The following AMH variants were observed in gnomAD, a reference collection of about 807,000 sequenced individuals.
AMH encodes anti-Mullerian hormone.
A neutral mutation model predicts 33.3 loss-of-function variants in AMH; 39 were observed. The ratio of observed to expected loss-of-function variants is 1.17; its 90% CI spans 0.91 to 1.53. AMH has a LOEUF of 1.53. AMH is among the 40% of genes most tolerant of loss of function. The probability of loss-of-function intolerance (pLI) is 0.00; values close to 1 mark genes in which losing one functional copy is unlikely to be tolerated. For synonymous variants in AMH, 536 were observed against 403.0 expected (o/e 1.33, Z -3.95); for missense variants, 1,019 against 799.8 (o/e 1.27, Z -3.30).
Position 2,249,434 on chromosome 19 carries a change from C to T in AMH, c.102C>T (p.Thr34=). ...ALRAEEPAVG[T]SGLIFREDLD... ...GAGCAGAGGAGCCAGCTGTGGGCAC[C>T]AGTGGCCTCATCTTCCGAGAAGACT... is the stretch of plus-strand genomic sequence containing the variant. The change falls in exon 1 of 5, where the codon ACC becomes ACT. Residue 34 remains threonine (T), a synonymous_variant. Transcript: ENST00000221496. 1.2e-6 allele frequency: 2 copies of T among 1,601,600 alleles called. No homozygotes were observed. Among genetic ancestry groups the T allele is most frequent in the Non-Finnish European group, 1.7e-6 (2 of 1,174,848 alleles).
chr19:2,249,525 G>A lies in AMH; in HGVS notation c.193G>A (p.Gly65Ser). ...GGTGGCACTGGGCGGGGACAGCAAT[G>A]GCAGCAGCTCCCCCCTGCGGGTGGT... is the stretch of plus-strand genomic sequence containing the variant. ...CLVALGGDSN[G>S]SSSPLRVVGA... Residue 65 changes from glycine (G) to serine (S), a missense_variant, in exon 1 of 5, where the codon GGC becomes AGC. Coordinates refer to ENST00000221496, the MANE Select transcript of AMH (RefSeq NM_000479.5). 1.9e-6 allele frequency: 3 copies of A among 1,602,572 alleles called. No individual in the cohort carries two copies. The highest frequency in any genetic ancestry group is 2.6e-6 in the Non-Finnish European group (3 of 1,176,206).
rs376657085 is a variant in AMH, at chr19:2,249,530, C to G, written c.198C>G (p.Ser66Arg). Residue 66 changes from serine to arginine, a missense_variant, in exon 1 of 5, where the codon AGC becomes AGG. Physicochemically the swap from Ser to Arg is moderately radical, Grantham distance 110. Coordinates refer to ENST00000221496, the MANE Select transcript of AMH (RefSeq NM_000479.5). ...CACTGGGCGGGGACAGCAATGGCAG[C>G]AGCTCCCCCCTGCGGGTGGTGGGGG... is the stretch of plus-strand genomic sequence containing the variant. ...LVALGGDSNG[S>R]SSPLRVVGAL... 32 of 1,600,486 alleles carry G rather than the reference C, an allele frequency of 2.0e-5. No homozygotes were observed. Among genetic ancestry groups the G allele is most frequent in the Non-Finnish European group, 2.7e-5 (32 of 1,175,366 alleles).
chr19:2,250,838 A>G lies in AMH; in HGVS notation c.665-11A>G. 1 of 1,557,444 alleles carries G rather than the reference A, an allele frequency of 6.4e-7. No individual in the cohort carries two copies. ...CAGCCCCTGAGCCAGCCGCGTGCCC[A>G]CCCACCGCAGACTCCCGGCTGAGTA... On this transcript the variant is annotated splice_polypyrimidine_tract_variant and intron_variant, in intron 3 of 4. Transcript: ENST00000221496.
At position 2,250,482 on chromosome 19, in the gene AMH, A is replaced by G. The variant is rs1229806996; in HGVS notation, c.555+3A>G. 3 of 1,547,808 alleles carry G rather than the reference A, an allele frequency of 1.9e-6. No individual in the cohort carries two copies. The highest frequency in any genetic ancestry group is 2.6e-6 in the Non-Finnish European group (3 of 1,147,034). ...GGGCTGGGCTGCCGGGTGCCCAGGT[A>G]CCAGGGAGTTGCATGGGGCAGTGCC... On this transcript the variant is annotated splice_donor_region_variant and intron_variant, in intron 2 of 4. Transcript: ENST00000221496.
rs1001087147 is a variant in AMH at position 2,251,841 on chromosome 19, C to G, written c.1567C>G (p.Pro523Ala). 3.8e-6 allele frequency: 6 copies of G among 1,597,668 alleles called. No individual in the cohort carries two copies. The highest frequency in any genetic ancestry group is 4.2e-6 in the Non-Finnish European group (5 of 1,177,050). The part of the protein sequence containing the change: ...MQVRGAALAR[P>A]PCCVPTAYAG... ...GGTCCGTGGGGCCGCCCTGGCGCGCCCACCCTGCTGCGTGCCCACCGCCTA... is the reference window on the plus strand; with the variant it reads ...GGTCCGTGGGGCCGCCCTGGCGCGCGCACCCTGCTGCGTGCCCACCGCCTA... Residue 523 changes from proline (P) to alanine (A), a missense_variant, in exon 5 of 5, where the codon CCA (proline) becomes GCA (alanine). Physicochemically the swap from Pro to Ala is conservative, Grantham distance 27. Coordinates refer to ENST00000221496, the MANE Select transcript of AMH (RefSeq NM_000479.5).
intron 1 of AMH, chr19:2,250,108 C>A (rs908370656): frequency 1.4e-6 from 1 of 708,246 alleles, no homozygotes; most frequent in Non-Finnish European, 2.4e-6. Flanking sequence ...CATCGGGCAC[C>A]CCAACCCAGA....
Position 2,251,475 on chromosome 19 carries a change from GC to G in AMH, c.1205del (p.Pro402ArgfsTer27). On this transcript the variant is annotated frameshift_variant, in exon 5 of 5. Transcript: ENST00000221496. LOFTEE classifies it low-confidence loss of function (END_TRUNC). ...CCTCCCGGGTCTGCCTCCGGCCACA[GC>G]CCCGCTGCTGGCGCGCCTGCTCGCG... ...RSLPGLPPATAPLLARLLALC... is the reference protein window; with the variant it reads ...RSLPGLPPATXPLLARLLALC... 1 of 1,396,580 alleles carries G rather than the reference GC, an allele frequency of 7.2e-7. No individual in the cohort carries two copies. Among genetic ancestry groups the G allele is most frequent in the Non-Finnish European group, 9.3e-7 (1 of 1,080,394 alleles). 86.5% of individuals were successfully genotyped at this position (1,396,580 alleles called of 1,614,324 possible).
At position 2,251,465 on chromosome 19, in the gene AMH, T is replaced by C. The variant is rs1377078439; in HGVS notation, c.1191T>C (p.Pro397=). 3.8e-5 allele frequency: 54 copies of C among 1,418,152 alleles called. No individual in the cohort carries two copies. The highest frequency in any genetic ancestry group is 4.9e-5 in the Non-Finnish European group (53 of 1,090,858). The allele number at this position is 1,418,152 out of a possible 1,614,324, so 87.8% of individuals were successfully genotyped here. A position where few individuals can be genotyped will look rare whatever the true frequency, so the allele number is the denominator to read the frequency against. Residue 397 remains proline (P), a synonymous_variant, in exon 5 of 5, where the codon CCT becomes CCC. Transcript: ENST00000221496. ...AAELRSLPGL[P]PATAPLLARL... is the part of the protein sequence containing the mutation. The stretch of plus-strand genomic sequence containing the variant: ...AGCTGCGAAGCCTCCCGGGTCTGCC[T>C]CCGGCCACAGCCCCGCTGCTGGCGC...
At position 2,249,705 on chromosome 19, in the gene AMH, C is replaced by G. The variant is rs2024995995; in HGVS notation, c.373C>G (p.Pro125Ala). 2.0e-6 allele frequency: 3 copies of G among 1,505,414 alleles called. No individual in the cohort carries two copies. Among genetic ancestry groups the G allele is most frequent in the Non-Finnish European group, 2.6e-6 (3 of 1,132,258 alleles). 93.3% of individuals were successfully genotyped at this position (1,505,414 alleles called of 1,614,324 possible). ...GCGGCTGGGGGCCTGGCTGCGGGAC[C>G]CTGGGGGGCAGCGCCTGGTGGTCCT... ...LRRLGAWLRDPGGQRLVVLHL... is the reference protein window; with the variant it reads ...LRRLGAWLRDAGGQRLVVLHL... The change falls in exon 1 of 5, where the codon CCT (proline) becomes GCT (alanine). Residue 125 changes from proline to alanine, a missense_variant. Transcript: ENST00000221496.
chr19:2,249,651 G>A lies in AMH; in HGVS notation c.319G>A (p.Asp107Asn), dbSNP rs1438510393. ...LATFGVCNTGDRQAALPSLRR... is the reference protein window; with the variant it reads ...LATFGVCNTGNRQAALPSLRR... ...CACCTTCGGGGTCTGCAACACCGGT[G>A]ACAGGCAGGCTGCCTTGCCCTCTCT... Residue 107 changes from aspartate to asparagine, a missense_variant, in exon 1 of 5, where the codon GAC becomes AAC. By Grantham distance (23) the Asp-to-Asn change is conservative. Transcript: ENST00000221496. The A allele has an allele frequency of 1.3e-6, 2 of 1,515,786 alleles. No homozygotes were observed. The highest frequency in any genetic ancestry group is 1.4e-5 in the African/African-American group (1 of 72,110). 93.9% of individuals were successfully genotyped at this position (1,515,786 alleles called of 1,614,324 possible).
chr19:2,251,593 G>A lies in AMH; in HGVS notation c.1319G>A (p.Gly440Glu). ...ALQGLRVEWR[G>E]RDPRGPGRAQ... The stretch of plus-strand genomic sequence containing the variant: ...CAGGGCCTGCGCGTGGAGTGGCGCG[G>A]GCGGGATCCGCGCGGGCCGGGTCGG... The change falls in exon 5 of 5, where the codon GGG (glycine) becomes GAG (glutamate). Residue 440 changes from glycine to glutamate, a missense_variant. Physicochemically the swap from Gly to Glu is moderately conservative, Grantham distance 98 (BLOSUM62 -2). Transcript: ENST00000221496. 6 of 1,290,252 alleles carry A rather than the reference G, an allele frequency of 4.7e-6. No homozygotes were observed. The highest frequency in any genetic ancestry group is 2.6e-5 in the South Asian group (1 of 37,994). 79.9% of individuals were successfully genotyped at this position (1,290,252 alleles called of 1,614,324 possible).
rs758545476 is a variant in AMH at position 2,251,975 on chromosome 19, C to A, written c.*18C>A. The A allele has an allele frequency of 2.3e-5, 35 of 1,536,552 alleles. No homozygotes were observed. The highest frequency in any genetic ancestry group is 3.0e-5 in the Non-Finnish European group (35 of 1,148,418). ...GCCGGTGACCCCTGCGCCGCGCGGACTCCTGCCCCGAGGGTCCGGACGCGC... is the reference window on the plus strand; with the variant it reads ...GCCGGTGACCCCTGCGCCGCGCGGAATCCTGCCCCGAGGGTCCGGACGCGC... On this transcript the variant is annotated 3_prime_UTR_variant, in exon 5 of 5. Coordinates refer to ENST00000221496, the MANE Select transcript of AMH (RefSeq NM_000479.5).
At position 2,250,412 on chromosome 19, in the gene AMH, T is replaced by C. The variant is rs1298400641; in HGVS notation, c.488T>C (p.Leu163Pro). Residue 163 changes from leucine (L) to proline (P), a missense_variant, in exon 2 of 5, where the codon CTG becomes CCG. Transcript: ENST00000221496. The stretch of plus-strand genomic sequence containing the variant: ...GGAGCTGGCCCCCCAGAGCTGGCGC[T>C]GCTGGTGCTGTACCCTGGGCCTGGC... ...PGGAGPPELALLVLYPGPGPE... is the reference protein window; with the variant it reads ...PGGAGPPELAPLVLYPGPGPE... 1.9e-6 allele frequency: 3 copies of C among 1,570,970 alleles called. No homozygotes were observed. The highest frequency in any genetic ancestry group is 1.2e-5 in the South Asian group (1 of 85,638).
At position 2,251,548 on chromosome 19, in the gene AMH, T is replaced by C. The variant is rs1487015521; in HGVS notation, c.1274T>C (p.Leu425Pro). The C allele has an allele frequency of 5.2e-6, 7 of 1,336,506 alleles. No homozygotes were observed. Among genetic ancestry groups the C allele is most frequent in the Non-Finnish European group, 6.7e-6 (7 of 1,045,894 alleles). The allele number at this position is 1,336,506 out of a possible 1,614,324, so 82.8% of individuals were successfully genotyped here. ...GGCCTCGGCGATCCCCTGCGAGCGC[T>C]GCTGCTCCTGAAGGCGCTGCAGGGC... ...PGGLGDPLRALLLLKALQGLR... is the reference protein window; with the variant it reads ...PGGLGDPLRAPLLLKALQGLR... The change falls in exon 5 of 5, where the codon CTG becomes CCG. Residue 425 changes from leucine to proline, a missense_variant. Leu to Pro is a moderately conservative substitution (Grantham distance 98). Coordinates refer to ENST00000221496, the MANE Select transcript of AMH (RefSeq NM_000479.5).
At chr19:2,250,572 G>A in intron 2 of AMH, 80 bp from the exon 3 acceptor site, 1 of 1,537,828 alleles carries the variant, frequency 6.5e-7, no homozygotes, top group Non-Finnish European at 8.7e-7. Context: ...CGTAGAACCA[G>A]TGGCGATGGG....
chr19:2,250,897 A>G lies in AMH; in HGVS notation c.713A>G (p.Asp238Gly). Residue 238 changes from aspartate to glycine, a missense_variant, in exon 4 of 5, where the codon GAC becomes GGC. Coordinates refer to ENST00000221496, the MANE Select transcript of AMH (RefSeq NM_000479.5). ...CTGCAGGCACTGCTGTTCGGCGACG[A>G]CCACCGCTGCTTCACACGGATGACC... The part of the protein sequence containing the change: ...ARLQALLFGD[D>G]HRCFTRMTPA... 6.4e-7 allele frequency: 1 copy of G among 1,573,168 alleles called. No individual in the cohort carries two copies.
At position 2,250,843 on chromosome 19, in the gene AMH, C is replaced by A; in HGVS notation, c.665-6C>A. On this transcript the variant is annotated splice_polypyrimidine_tract_variant and splice_region_variant and intron_variant, in intron 3 of 4. Transcript: ENST00000221496. ...CCTGAGCCAGCCGCGTGCCCACCCA[C>A]CGCAGACTCCCGGCTGAGTACCGCC... is the stretch of plus-strand genomic sequence containing the variant. 6.4e-7 allele frequency: 1 copy of A among 1,560,974 alleles called. No homozygotes were observed. The highest frequency in any genetic ancestry group is 2.1e-4 in the Middle Eastern group (1 of 4,800).
chr19:2,251,108 G>C lies in AMH; in HGVS notation c.834G>C (p.Ala278=). ...TVPFPPPRPS[A]ELEESPPSAD... ...CAATTGCGGGTTCCAGGCCATCCGC[G>C]GAACTCGAGGAGTCGCCACCCAGCG... Residue 278 remains alanine, a synonymous_variant, in exon 5 of 5, where the codon GCG becomes GCC. Coordinates refer to ENST00000221496, the MANE Select transcript of AMH (RefSeq NM_000479.5). 1 of 1,542,430 alleles carries C rather than the reference G, an allele frequency of 6.5e-7. No individual in the cohort carries two copies. Among genetic ancestry groups the C allele is most frequent in the Non-Finnish European group, 8.7e-7 (1 of 1,151,416 alleles).
intron 1 of AMH, 161 bp downstream of exon 1, chr19:2,249,905 C>A: frequency 1.2e-6 from 1 of 830,238 alleles, no homozygotes; most frequent in Non-Finnish European, 1.8e-6. Flanking sequence ...GGAAGGTGGG[C>A]ACCACACTCT....
Sources: gnomAD v4.1 joint callset for allele counts on GRCh38, gnomAD v4.1.1 for gene constraint, MANE v1.5 for transcripts, NCBI Gene and HGNC (gene_info 2026-07-23, HGNC 2026-07-21) for gene names.